The following KCNAB2 variants were observed in gnomAD, a reference collection of about 807,000 sequenced individuals.
KCNAB2 encodes voltage-gated potassium channel subunit beta-2.
Under a neutral mutation model 63.6 loss-of-function variants are expected in KCNAB2, and 29 were observed. The observed-to-expected ratio is 0.46, with a 90% CI of 0.34 to 0.62. The LOEUF (loss-of-function observed/expected upper bound fraction) is 0.62, where lower values mean the gene tolerates loss of function less well. Among genes scored for constraint, KCNAB2 ranks in the 20% least tolerant of loss-of-function variants. The pLI, the probability that KCNAB2 is intolerant of heterozygous loss-of-function variation, is 0.01. For synonymous variants in KCNAB2, 222 were observed against 224.2 expected, an observed-to-expected ratio of 0.99 and a Z score of 0.09; for missense variants, 359 against 563.9, an observed-to-expected ratio of 0.64 and a Z score of 3.68.
chr1:6,030,168 G>A (rs1659485340), upstream of KCNAB2, among the ~76,000 whole-genome samples: 1 of 152,228 alleles, frequency 6.6e-6, no homozygotes, highest in Non-Finnish European at 1.5e-5. Context: ...GCGCTAAGAT[G>A]AATTCTGTAT....
intron 1 of KCNAB2, among the ~76,000 whole-genome samples, chr1:6,047,026 A>G (rs1353036367): frequency 6.6e-6 from 1 of 152,230 alleles, no homozygotes; most frequent in African/African-American, 2.4e-5. Flanking sequence ...TGCACCAGGC[A>G]GGCCCAGCCC....
chr1:6,017,406 C>CTCTGTGTG (rs146613804), intron 1 of KCNAB2, among the ~76,000 whole-genome samples: 2 of 147,188 alleles, frequency 1.4e-5, no homozygotes, highest in African/African-American at 2.5e-5. Context: ...CCATACCTGG[C>CTCTGTGTG]TGTGTGTGTG....
chr1:6,041,269 C>G (rs1660477363), upstream of KCNAB2: 1 of 162,640 alleles, frequency 6.1e-6, no homozygotes, highest in Non-Finnish European at 1.3e-5. Context: ...AGCATAGAAC[C>G]CACGAAAGAC....
At position 6,087,190 on chromosome 1, in the gene KCNAB2, G is replaced by A. The variant is rs11804357; in HGVS notation, c.426-277G>A. On this transcript the variant is annotated intron_variant, in intron 6 of 15. Transcript: ENST00000378083. This position sits in a 1 kb window ranked among gnomAD's most constrained non-coding sequence, Gnocchi z 6.4. ...ATCCTGGGCGGAAGGCATCTCCTCC[G>A]GACTCCGGTCACACTAGGCCCCCCA... Among the ~76,000 whole-genome samples, 3,172 of 152,038 alleles carry A rather than the reference G, an allele frequency of 0.021. 111 individuals are homozygous for A. The highest frequency in any genetic ancestry group is 0.072 in the African/African-American group (2,984 of 41,440).
At chr1:6,015,170 T>C (rs887576850) in intron 1 of KCNAB2, among the ~76,000 whole-genome samples, 1 of 152,024 alleles carries the variant, frequency 6.6e-6, no homozygotes, top group African/African-American at 2.4e-5. Flanking sequence ...TAGCCAGGAC[T>C]ACAGGTGCCC....
At chr1:6,055,901 C>T (rs1661782252) in intron 2 of KCNAB2, among the ~76,000 whole-genome samples, 1 of 152,214 alleles carries the variant, frequency 6.6e-6, no homozygotes, top group Admixed American at 6.5e-5. Context: ...TAAACTTGGT[C>T]TTAAATATGA....
At position 6,069,394 on chromosome 1, in the gene KCNAB2, G is replaced by A. The variant is rs151146690; in HGVS notation, c.219-3361G>A. Among the ~76,000 whole-genome samples, 840 of 152,272 alleles carry A rather than the reference G, an allele frequency of 5.5e-3. 6 individuals are homozygous for A. Among genetic ancestry groups the A allele is most frequent in the African/African-American group, 0.019 (774 of 41,542 alleles). On this transcript the variant is annotated intron_variant, in intron 2 of 15. Transcript: ENST00000378083. This position sits in a 1 kb window ranked among gnomAD's most constrained non-coding sequence, Gnocchi z 5.4. The stretch of plus-strand genomic sequence containing the variant: ...CTCCGGCCCTTCCCAAGTCTGAAGT[G>A]CAGTTTTTAGGGGTGTGCAGCAGCC...
At position 6,094,289 on chromosome 1, in the gene KCNAB2, C is replaced by T. The variant is rs114346911; in HGVS notation, c.647-111C>T. ...AAGTACACTGCTTGCAAGACATCTT[C>T]GCAGCCCCTGTCCCTCCTCCCAGCG... On this transcript the variant is annotated intron_variant, in intron 10 of 15. Coordinates refer to ENST00000378083, the MANE Select transcript of KCNAB2 (RefSeq NM_001199862.2). 8.7e-4 allele frequency: 666 copies of T among 764,930 alleles called. 4 individuals are homozygous for T. In the African/African-American group the frequency reaches 0.01, roughly 12 times the overall value. The allele number at this position is 764,930 out of a possible 1,614,324, so 47.4% of individuals were successfully genotyped here.
At chr1:5,999,410 G>C (rs1046127716) in intron 1 of KCNAB2, among the ~76,000 whole-genome samples, 1 of 152,162 alleles carries the variant, frequency 6.6e-6, no homozygotes, top group African/African-American at 2.4e-5. Context: ...AGCCCTAGCC[G>C]TTTCAGTCTG....
intron 3 of KCNAB2, among the ~76,000 whole-genome samples, 192 bp downstream of exon 3, chr1:6,072,990 G>A (rs571083750): frequency 6.6e-6 from 1 of 152,130 alleles, no homozygotes; most frequent in Admixed American, 6.5e-5. Flanking sequence ...TGGGAGGGGG[G>A]CTGGGATAGA....
intron 6 of KCNAB2, among the ~76,000 whole-genome samples, chr1:6,085,572 G>A (rs563605401): frequency 1.1e-4 from 16 of 152,284 alleles, no homozygotes; most frequent in Middle Eastern, 3.4e-3. Flanking sequence ...GCGTGAGAAC[G>A]GGCCTGGGTA....
rs1364666441 is a variant in KCNAB2, at chr1:6,086,201, C to A, written c.425+953C>A. The stretch of plus-strand genomic sequence containing the variant: ...TAAAGTTGGGCCTCCCTCCTCCCTC[C>A]CCTCGAAATGCCACTCAGAATCCCA... On this transcript the variant is annotated intron_variant, in intron 6 of 15. Coordinates refer to ENST00000378083, the MANE Select transcript of KCNAB2 (RefSeq NM_001199862.2). The surrounding 1 kb of genome is among the most constrained non-coding windows in gnomAD (Gnocchi z 4.2). 5.1e-6 allele frequency: 5 copies of A among 985,198 alleles called. No homozygotes were observed. The highest frequency in any genetic ancestry group is 6.0e-6 in the Non-Finnish European group (5 of 829,816). 61.0% of individuals were successfully genotyped at this position (985,198 alleles called of 1,614,324 possible). A position where few individuals can be genotyped will look rare whatever the true frequency, so the allele number is the denominator to read the frequency against.
chr1:6,098,130 C>T lies in KCNAB2; in HGVS notation c.1159-355C>T, dbSNP rs1459393755. 4.9e-6 allele frequency: 5 copies of T among 1,025,574 alleles called. No individual in the cohort carries two copies. The African/African-American group carries it at 5.1e-5, about 11-fold the overall frequency. The allele number at this position is 1,025,574 out of a possible 1,614,324, so 63.5% of individuals were successfully genotyped here. On this transcript the variant is annotated intron_variant, in intron 15 of 15. Coordinates refer to ENST00000378083, the MANE Select transcript of KCNAB2 (RefSeq NM_001199862.2). ...CCGGGTGTGTCACCCGGAAGGGTGG[C>T]GGTGCTGTATGCTGAGGCAGGCGCA... is the stretch of plus-strand genomic sequence containing the variant.
chr1:6,083,267 G>A (rs1053630130), intron 5 of KCNAB2, among the ~76,000 whole-genome samples: 11 of 152,172 alleles, frequency 7.2e-5, no homozygotes, highest in African/African-American at 1.7e-4. Flanking sequence ...ATGCCAAGCC[G>A]AGAGGCACCT....
chr1:6,064,754 G>A (rs1662597685), intron 2 of KCNAB2, among the ~76,000 whole-genome samples: 1 of 152,176 alleles, frequency 6.6e-6, no homozygotes, highest in Admixed American at 6.5e-5. Flanking sequence ...AGTGCCCTTA[G>A]TACCTCCTGG....
chr1:6,073,981 G>A lies in KCNAB2; in HGVS notation c.300+211G>A. On this transcript the variant is annotated intron_variant, in intron 4 of 15. Coordinates refer to ENST00000378083, the MANE Select transcript of KCNAB2 (RefSeq NM_001199862.2). The surrounding 1 kb of genome is among the most constrained non-coding windows in gnomAD (Gnocchi z 5.7). ...GGCCAGAGGGGATGCCGAGTCTGGT[G>A]CCATCACCCAGCAGTGGATGCCTCG... 2 of 593,744 alleles carry A rather than the reference G, an allele frequency of 3.4e-6. No homozygotes were observed. The highest frequency in any genetic ancestry group is 3.0e-6 in the Non-Finnish European group (1 of 330,882). The allele number at this position is 593,744 out of a possible 1,614,324, so 36.8% of individuals were successfully genotyped here.
intron 2 of KCNAB2, among the ~76,000 whole-genome samples, chr1:6,065,637 G>T (rs1390596119): frequency 6.6e-6 from 1 of 152,150 alleles, no homozygotes; most frequent in African/African-American, 2.4e-5. Context: ...AGGAAGGCGG[G>T]TGTGCTCATC....
intron 7 of KCNAB2, 61 bp from the exon 8 acceptor site, chr1:6,088,947 T>C: frequency 1.3e-6 from 2 of 1,491,238 alleles, no homozygotes; most frequent in South Asian, 2.4e-5. Flanking sequence ...AAACGTTTTT[T>C]GGGAGGGGCC....
At chr1:6,094,543 T>C (rs1312698693) in intron 11 of KCNAB2, 58 bp downstream of exon 11, 4 of 1,411,884 alleles carry the variant, frequency 2.8e-6, no homozygotes, top group Middle Eastern at 2.1e-4. Context: ...ACCGGCTGCG[T>C]ATGGAGACCC....
Sources: allele counts gnomAD v4.1 joint callset (sites outside exome capture counted in the v4.1 genomes callset), GRCh38; gene constraint gnomAD v4.1.1; non-coding constraint Gnocchi (gnomAD v3.1); transcripts MANE v1.5; gene names NCBI Gene and HGNC (gene_info 2026-07-23, HGNC 2026-07-21).